The following FANCA variants were observed in gnomAD, a reference collection of about 807,000 sequenced individuals.
The protein encoded by FANCA is FA complementation group A.
A neutral mutation model predicts 194.3 loss-of-function variants in FANCA; 236 were observed. That is an observed-to-expected ratio of 1.21 (90% CI 1.09 to 1.35). The LOEUF is 1.35. FANCA is among the 40% of genes most tolerant of loss of function. FANCA has a pLI of 0.00. For synonymous variants in FANCA, 1,014 were observed against 715.8 expected, an observed-to-expected ratio of 1.42 and a Z score of -6.65; for missense variants, 2,628 against 1,813.9, an observed-to-expected ratio of 1.45 and a Z score of -8.15.
At position 89,773,333 on chromosome 16, in the gene FANCA, C is replaced by T; in HGVS notation, c.1952G>A (p.Gly651Glu). 6.4e-7 allele frequency: 1 copy of T among 1,551,604 alleles called. No homozygotes were observed. Among genetic ancestry groups the T allele is most frequent in the Non-Finnish European group, 8.7e-7 (1 of 1,146,988 alleles). The change falls in exon 22 of 43, where the codon GGA (glycine) becomes GAA (glutamate). Residue 651 changes from glycine (G) to glutamate (E), a missense_variant. Transcript: ENST00000389301. ...CTCTCCCAGTGCAGCTGTGAGCTGTCCCAGGGGCTCCTCAGCAGAGTTGGG... is the reference window on the plus strand; with the variant it reads ...CTCTCCCAGTGCAGCTGTGAGCTGTTCCAGGGGCTCCTCAGCAGAGTTGGG... ...AEPNSAEEPL[G>E]QLTAALGELR... is the part of the protein sequence containing the mutation.
intron 27 of FANCA, among the ~76,000 whole-genome samples, chr16:89,766,049 T>C (rs951954326): frequency 2.0e-5 from 3 of 151,474 alleles, no homozygotes; most frequent in Non-Finnish European, 4.4e-5. Context: ...CAGGCTGGAG[T>C]GCAGTGGTGC....
rs143083764 is a variant in FANCA at position 89,784,865 on chromosome 16, G to A, written c.1459C>T (p.Arg487Trp). ...AGCCAGCTTCTCACCTGCAGGTACC[G>A]GGGAGACTCAAAAGGCACGAGTTCT... The part of the protein sequence containing the change: ...LSELVPFESP[R>W]YLQVHILHPP... The change falls in exon 15 of 43, where the codon CGG becomes TGG. Residue 487 changes from arginine (R) to tryptophan (W), a missense_variant. Transcript: ENST00000389301. The A allele has an allele frequency of 2.0e-5, 32 of 1,612,604 alleles. No homozygotes were observed. The highest frequency in any genetic ancestry group is 8.8e-5 in the South Asian group (8 of 91,048).
In FANCA at chr16:89,807,424, A is replaced by G. The variant is rs1250558830; in HGVS notation, c.596+870T>C. 3.3e-5 allele frequency among the ~76,000 whole-genome samples: 5 copies of G among 152,008 alleles called. No homozygotes were observed. In the South Asian group the frequency reaches 8.3e-4, roughly 25 times the overall value. On this transcript the variant is annotated intron_variant, in intron 6 of 42. Coordinates refer to ENST00000389301, the MANE Select transcript of FANCA (RefSeq NM_000135.4). ...AGCCCAGATCTCACCACTGCACTCCAGCCTGGCGACATAGCAGGTCTCTGT... is the reference window on the plus strand; with the variant it reads ...AGCCCAGATCTCACCACTGCACTCCGGCCTGGCGACATAGCAGGTCTCTGT...
rs1182067132 is a variant in FANCA at position 89,738,955 on chromosome 16, A to G, written c.4187T>C (p.Ile1396Thr). Residue 1396 changes from isoleucine (I) to threonine (T), a missense_variant, in exon 42 of 43, where the codon ATA (isoleucine) becomes ACA (threonine). By Grantham distance (89) the Ile-to-Thr change is moderately conservative. Transcript: ENST00000389301. ...LKGQGNPVEL[I>T]TKARLFLLQL... ...CAGCAGAAAAAGACGAGCTTTTGTT[A>G]TCAGTTCCACGGGGTTGCCCTAGAG... 1 of 1,614,220 alleles carries G rather than the reference A, an allele frequency of 6.2e-7. No individual in the cohort carries two copies. The highest frequency in any genetic ancestry group is 8.5e-7 in the Non-Finnish European group (1 of 1,180,044).
chr16:89,767,949 G>T (rs2039188670), intron 26 of FANCA, among the ~76,000 whole-genome samples: 1 of 152,124 alleles, frequency 6.6e-6, no homozygotes, highest in African/African-American at 2.4e-5. Flanking sequence ...GCCACTCAAA[G>T]TGCTGGGATT....
intron 27 of FANCA, among the ~76,000 whole-genome samples, chr16:89,766,351 C>G (rs968812466): frequency 6.6e-6 from 1 of 152,092 alleles, no homozygotes. Flanking sequence ...AAGGACAACA[C>G]TGGTTTGCAG....
chr16:89,758,476 A>C, intron 30 of FANCA, 101 bp downstream of exon 30: 1 of 1,448,776 alleles, frequency 6.9e-7, no homozygotes, highest in Non-Finnish European at 9.6e-7. Flanking sequence ...ACCCACCCTA[A>C]GCTAATTAGA....
At chr16:89,790,087 G>C (rs1311057803) in intron 14 of FANCA, among the ~76,000 whole-genome samples, 1 of 152,214 alleles carries the variant, frequency 6.6e-6, no homozygotes, top group Non-Finnish European at 1.5e-5. Context: ...TGAAGTACTT[G>C]TTTCAGGACT....
rs2062057376 is a variant in FANCA at position 89,739,223 on chromosome 16, G to A, written c.4077C>T (p.Asp1359=). 1 of 1,614,162 alleles carries A rather than the reference G, an allele frequency of 6.2e-7. No homozygotes were observed. Among genetic ancestry groups the A allele is most frequent in the Non-Finnish European group, 8.5e-7 (1 of 1,180,032 alleles). ...AGAGCTGGACCAGCTTCAAGTACAT[G>A]TCCACAGCAACATGCAGGAAGGCCT... is the stretch of plus-strand genomic sequence containing the variant. ...REEAFLHVAV[D]MYLKLVQLFV... is the part of the protein sequence containing the mutation. The change falls in exon 41 of 43, where the codon GAC becomes GAT. Residue 1359 remains aspartate, a synonymous_variant. Coordinates refer to ENST00000389301, the MANE Select transcript of FANCA (RefSeq NM_000135.4).
chr16:89,739,925 T>TA (rs1219180635), intron 39 of FANCA, 69 bp downstream of exon 39: 2 of 1,604,570 alleles, frequency 1.2e-6, no homozygotes. Context: ...GGCTCGTTCT[T>TA]AACCATTTGC....
chr16:89,754,494 T>A (rs1432773249), intron 30 of FANCA, among the ~76,000 whole-genome samples: 1 of 152,054 alleles, frequency 6.6e-6, no homozygotes, highest in East Asian at 1.9e-4. Context: ...TGCCTCAGCC[T>A]CCCAAGTAAC....
intron 10 of FANCA, among the ~76,000 whole-genome samples, chr16:89,797,911 A>C (rs2040303138): frequency 6.6e-6 from 1 of 152,060 alleles, no homozygotes; most frequent in Non-Finnish European, 1.5e-5. Context: ...TAAATAAATA[A>C]ATAAATAATT....
chr16:89,758,626 G>T lies in FANCA; in HGVS notation c.2932C>A (p.Gln978Lys), dbSNP rs774146374. 6.2e-7 allele frequency: 1 copy of T among 1,614,042 alleles called. No individual in the cohort carries two copies. The highest frequency in any genetic ancestry group is 1.1e-5 in the South Asian group (1 of 91,080). ...TTGACAAGAATGGTACACGCAGCCT[G>T]CAGGTCTCCGTCACAGCCCCCTGAA... ...SASGGCDGDL[Q>K]AACTILVNAL... The change falls in exon 30 of 43, where the codon CAG becomes AAG. Residue 978 changes from glutamine to lysine, a missense_variant. Gln to Lys is a moderately conservative substitution (Grantham distance 53, BLOSUM62 1). Transcript: ENST00000389301.
rs764533094 is a variant in FANCA at position 89,815,945 on chromosome 16, G to A, written c.121C>T (p.Gln41Ter). 1.9e-6 allele frequency: 3 copies of A among 1,614,130 alleles called. No homozygotes were observed. The highest frequency in any genetic ancestry group is 1.7e-6 in the Non-Finnish European group (2 of 1,179,976). ...KREKYNPERAQKLKESAVRLL... is the reference protein window; with the variant it reads ...KREKYNPERA ...CGCACAGCTGATTCCTTTAATTTCTGTGCCCTTTCAGGATTATATTTTTCC... is the reference window on the plus strand; with the variant it reads ...CGCACAGCTGATTCCTTTAATTTCTATGCCCTTTCAGGATTATATTTTTCC... Residue 41 changes from glutamine to a stop codon, truncating the protein, a stop_gained, in exon 2 of 43, where the codon CAG (glutamine) becomes TAG (stop). Coordinates refer to ENST00000389301, the MANE Select transcript of FANCA (RefSeq NM_000135.4). LOFTEE classifies it high-confidence loss of function.
chr16:89,752,843 T>G (rs1244805379), intron 30 of FANCA, among the ~76,000 whole-genome samples: 1 of 152,048 alleles, frequency 6.6e-6, no homozygotes, highest in African/African-American at 2.4e-5. Context: ...GCAAAAGGTG[T>G]CAAGGAACAA....
chr16:89,766,216 C>T (rs1048716536), intron 27 of FANCA, among the ~76,000 whole-genome samples: 6 of 151,460 alleles, frequency 4.0e-5, no homozygotes, highest in African/African-American at 7.3e-5. Flanking sequence ...AGGCTGGTCT[C>T]GATCTCTTGA....
At chr16:89,815,765 C>T in intron 2 of FANCA, 112 bp downstream of exon 2, 3 of 896,798 alleles carry the variant, frequency 3.3e-6, no homozygotes, top group East Asian at 2.4e-5. Context: ...CTCTGCGGGC[C>T]AGGCCACCGC....
At chr16:89,784,616 A>T (rs1204677649) in intron 15 of FANCA, among the ~76,000 whole-genome samples, 2 of 152,096 alleles carry the variant, frequency 1.3e-5, no homozygotes, top group Non-Finnish European at 2.9e-5. Context: ...AGGGTTTCTT[A>T]GCAGTTGCCT....
At chr16:89,770,865 C>G (rs185532172) in intron 23 of FANCA, among the ~76,000 whole-genome samples, 55 of 152,274 alleles carry the variant, frequency 3.6e-4, no homozygotes, top group Non-Finnish European at 5.4e-4. Context: ...TCTACAGCAG[C>G]AGGCGGGACT....
Sources: gnomAD v4.1 joint callset for allele counts (sites outside exome capture counted in the v4.1 genomes callset) on GRCh38, gnomAD v4.1.1 for gene constraint, MANE v1.5 for transcripts, NCBI Gene and HGNC (gene_info 2026-07-23, HGNC 2026-07-21) for gene names.